The following SPAG16 variants were observed in gnomAD, a reference collection of about 807,000 sequenced individuals.
SPAG16 encodes sperm associated antigen 16.
SPAG16 carries 86 observed loss-of-function variants against 80.4 expected under a neutral mutation model. The ratio of observed to expected loss-of-function variants is 1.07; its 90% confidence interval spans 0.90 to 1.28. SPAG16 has a LOEUF of 1.28. Ranked by LOEUF, SPAG16 falls within the 50% of genes most tolerant of loss-of-function variation. The pLI is 0.00. For missense variants in SPAG16, 870 were observed against 765.3 expected (o/e 1.14, Z -1.61); for synonymous variants, 294 against 265.9 (o/e 1.11, Z -1.03).
At chr2:213,849,509 A>G (rs1427794913) in intron 10 of SPAG16, among the ~76,000 whole-genome samples, 1 of 152,234 alleles carries the variant, frequency 6.6e-6, no homozygotes, top group African/African-American at 2.4e-5. Flanking sequence ...TTTATTTATA[A>G]AATAGATACA....
intron 10 of SPAG16, among the ~76,000 whole-genome samples, chr2:213,822,048 T>C (rs1301812708): frequency 6.6e-6 from 1 of 152,222 alleles, no homozygotes; most frequent in East Asian, 1.9e-4. Context: ...TGCTTTCCTT[T>C]GTTTTGGGTA....
chr2:213,806,131 T>C (rs1036141984), intron 10 of SPAG16, among the ~76,000 whole-genome samples: 2 of 152,148 alleles, frequency 1.3e-5, no homozygotes, highest in Non-Finnish European at 2.9e-5. Flanking sequence ...CACACACATA[T>C]CAATGTTCCA....
intron 4 of SPAG16, among the ~76,000 whole-genome samples, chr2:213,316,810 C>T (rs1343870984): frequency 6.6e-6 from 1 of 151,978 alleles, no homozygotes; most frequent in Non-Finnish European, 1.5e-5. Flanking sequence ...TCATGCCCAC[C>T]CTATGTAAAA....
chr2:213,917,584 T>C (rs759199629), intron 11 of SPAG16, among the ~76,000 whole-genome samples: 4 of 152,200 alleles, frequency 2.6e-5, no homozygotes, highest in Non-Finnish European at 4.4e-5. Flanking sequence ...TTAGATGTTG[T>C]TGGTATATAG....
chr2:213,656,046 T>A (rs902445694), intron 10 of SPAG16, among the ~76,000 whole-genome samples: 3 of 152,336 alleles, frequency 2.0e-5, no homozygotes, highest in Non-Finnish European at 4.4e-5. Flanking sequence ...TAATTGGTAG[T>A]CTTCATTCAA....
At chr2:213,825,036 A>G (rs780228696) in intron 10 of SPAG16, among the ~76,000 whole-genome samples, 3 of 151,866 alleles carry the variant, frequency 2.0e-5, no homozygotes, top group Non-Finnish European at 4.4e-5. Flanking sequence ...TACTGTTGGC[A>G]TGTAGAAATG....
intron 15 of SPAG16, among the ~76,000 whole-genome samples, chr2:214,380,673 C>T (rs1326889889): frequency 6.6e-6 from 1 of 152,178 alleles, no homozygotes; most frequent in Non-Finnish European, 1.5e-5. Context: ...TGAGATGGCT[C>T]AGAAGCATTC....
chr2:213,727,325 TA>T (rs1283190277), intron 10 of SPAG16, among the ~76,000 whole-genome samples: 7 of 152,116 alleles, frequency 4.6e-5, no homozygotes, highest in Non-Finnish European at 7.3e-5. Flanking sequence ...GCAGTTTTTT[TA>T]AAAAAAAGTT....
chr2:213,531,814 C>T (rs2076078338), intron 10 of SPAG16, among the ~76,000 whole-genome samples: 1 of 152,014 alleles, frequency 6.6e-6, no homozygotes, highest in African/African-American at 2.4e-5. Context: ...TTTTTTCCTA[C>T]ACAATCATAT....
chr2:213,666,970 T>TC (rs2063630245), intron 10 of SPAG16, among the ~76,000 whole-genome samples: 1 of 152,216 alleles, frequency 6.6e-6, no homozygotes, highest in Non-Finnish European at 1.5e-5. Context: ...GTAGAATGCA[T>TC]TTCTATGAAG....
At chr2:213,468,880 G>A (rs778220726) in intron 9 of SPAG16, among the ~76,000 whole-genome samples, 1 of 152,004 alleles carries the variant, frequency 6.6e-6, no homozygotes, top group Non-Finnish European at 1.5e-5. Context: ...GGAGTCTGAT[G>A]TTCCAGAGCA....
chr2:214,054,748 C>T (rs1207248597), intron 13 of SPAG16, among the ~76,000 whole-genome samples: 1 of 152,008 alleles, frequency 6.6e-6, no homozygotes, highest in East Asian at 1.9e-4. Flanking sequence ...CATCTCAGCC[C>T]AAAGATATAT....
chr2:214,143,050 G>GT (rs2055443459), intron 14 of SPAG16, among the ~76,000 whole-genome samples: 1 of 151,912 alleles, frequency 6.6e-6, no homozygotes, highest in South Asian at 2.1e-4. Flanking sequence ...TTTAAAAATC[G>GT]TTTTTTAGCC....
intron 10 of SPAG16, among the ~76,000 whole-genome samples, chr2:213,780,050 T>G (rs1340441227): frequency 6.6e-6 from 1 of 152,212 alleles, no homozygotes; most frequent in Non-Finnish European, 1.5e-5. Context: ...CAGAGGGACT[T>G]TGAATAAAAT....
At chr2:213,416,581 T>A (rs2069269573) in intron 9 of SPAG16, among the ~76,000 whole-genome samples, 1 of 151,476 alleles carries the variant, frequency 6.6e-6, no homozygotes, top group African/African-American at 2.4e-5. Context: ...AGCACTTGGG[T>A]AAAATATTTA....
At chr2:213,600,683 G>A (rs112978514) in intron 10 of SPAG16, among the ~76,000 whole-genome samples, 9 of 152,328 alleles carry the variant, frequency 5.9e-5, no homozygotes, top group African/African-American at 2.2e-4. Flanking sequence ...GAATTGTCTG[G>A]AGAGAAATTT....
intron 10 of SPAG16, among the ~76,000 whole-genome samples, chr2:213,727,613 T>C (rs1433040989): frequency 6.6e-6 from 1 of 151,964 alleles, no homozygotes; most frequent in East Asian, 1.9e-4. Flanking sequence ...TAGTGTGACA[T>C]GGAGAGGAAT....
At chr2:214,392,712 G>T (rs1288208556) in intron 15 of SPAG16, among the ~76,000 whole-genome samples, 1 of 128,746 alleles carries the variant, frequency 7.8e-6, no homozygotes. Context: ...AAAAAAAAAA[G>T]ATCATGGAGT....
At chr2:214,061,551 C>T (rs1011917417) in intron 13 of SPAG16, among the ~76,000 whole-genome samples, 3 of 152,146 alleles carry the variant, frequency 2.0e-5, no homozygotes, top group African/African-American at 7.2e-5. Context: ...GCAGAATTTT[C>T]TCTTACATGG....
Sources: gnomAD v4.1 joint callset for allele counts (sites outside exome capture counted in the v4.1 genomes callset) on GRCh38, gnomAD v4.1.1 for gene constraint, MANE v1.5 for transcripts, NCBI Gene and HGNC (gene_info 2026-07-23, HGNC 2026-07-21) for gene names.